SNX25: variants seen among roughly 807,000 people sequenced by gnomAD.
The protein encoded by SNX25 is sorting nexin 25, also known as sorting nexin-25.
Under a neutral mutation model 113.7 loss-of-function variants are expected in SNX25, and 62 were observed. That is an observed-to-expected ratio of 0.55 (90% CI 0.44 to 0.67). The LOEUF is 0.67. Ranked by LOEUF, SNX25 falls within the 30% of genes least tolerant of loss-of-function variation. The pLI, the probability that SNX25 is intolerant of heterozygous loss-of-function variation, is 0.00. For missense variants in SNX25, 1,014 were observed against 1,161.0 expected (o/e 0.87, Z 1.84); for synonymous variants, 421 against 436.2 (o/e 0.97, Z 0.43).
At chr4:185,277,066 C>G (rs931461108) in intron 5 of SNX25, among the ~76,000 whole-genome samples, 43 of 152,182 alleles carry the variant, frequency 2.8e-4, no homozygotes, top group Admixed American at 2.5e-3. Flanking sequence ...GCTCTGTCAC[C>G]CAGGCTGGAG....
intron 5 of SNX25, among the ~76,000 whole-genome samples, chr4:185,283,601 T>C (rs1419307947): frequency 6.6e-6 from 1 of 151,906 alleles, no homozygotes; most frequent in African/African-American, 2.4e-5. Context: ...AGATAAGTAT[T>C]AACCTATATT....
At chr4:185,267,729 TAA>T (rs963267655) in intron 5 of SNX25, among the ~76,000 whole-genome samples, 7 of 136,238 alleles carry the variant, frequency 5.1e-5, no homozygotes, top group Admixed American at 1.5e-4. Flanking sequence ...AGACTCCTTC[TAA>T]AAAAAAAAAA....
At chr4:185,285,974 C>G (rs1324890345) in intron 5 of SNX25, among the ~76,000 whole-genome samples, 1 of 149,700 alleles carries the variant, frequency 6.7e-6, no homozygotes, top group Non-Finnish European at 1.5e-5. Flanking sequence ...GACAGGGTCT[C>G]CCTTTGTTTC....
chr4:185,209,600 T>G lies in SNX25; in HGVS notation c.-227T>G. The G allele has an allele frequency of 5.2e-6, 2 of 384,944 alleles. No individual in the cohort carries two copies. Among genetic ancestry groups the G allele is most frequent in the Non-Finnish European group, 7.1e-6 (2 of 280,964 alleles). 23.8% of individuals were successfully genotyped at this position (384,944 alleles called of 1,614,324 possible). On this transcript the variant is annotated 5_prime_UTR_variant, in exon 1 of 19. Transcript: ENST00000652585. This position sits in a 1 kb window ranked among gnomAD's most constrained non-coding sequence, Gnocchi z 5.2. ...CCGCGTCAGGCTGGCCAGGCTTCAG[T>G]CACAACACGGTGGGGCTCCCTGGCT...
At chr4:185,310,849 C>G in intron 7 of SNX25, 33 bp downstream of exon 7, 1 of 1,548,930 alleles carries the variant, frequency 6.5e-7, no homozygotes, top group Non-Finnish European at 8.7e-7. Context: ...TTTGACCCTA[C>G]CAAGTTTATT....
chr4:185,329,745 A>C lies in SNX25; in HGVS notation c.1750-2850A>C, dbSNP rs558171354. ...AGGAGGGGACAAAGGTTAGAGAGCT[A>C]AATACCCATTGTGGGCGGTCAGAGG... On this transcript the variant is annotated intron_variant, in intron 9 of 18. Coordinates refer to ENST00000652585, the MANE Select transcript of SNX25 (RefSeq NM_001378034.2). Among the ~76,000 whole-genome samples, 3 of 152,236 alleles carry C rather than the reference A, an allele frequency of 2.0e-5. No individual in the cohort carries two copies. In the East Asian group the frequency reaches 5.8e-4, roughly 29 times the overall value.
chr4:185,330,126 ACT>A (rs1420279335), intron 9 of SNX25, among the ~76,000 whole-genome samples: 5 of 151,950 alleles, frequency 3.3e-5, no homozygotes, highest in East Asian at 1.9e-4. Context: ...AGTCAGGAAA[ACT>A]CTCTCTCTTG....
chr4:185,257,857 G>T (rs1487103341), intron 2 of SNX25, among the ~76,000 whole-genome samples: 1 of 152,172 alleles, frequency 6.6e-6, no homozygotes. Context: ...GGCCACAGGG[G>T]CTGAGCCTAG....
chr4:185,258,391 C>T (rs1024450162), intron 2 of SNX25, among the ~76,000 whole-genome samples: 2 of 152,186 alleles, frequency 1.3e-5, no homozygotes, highest in Non-Finnish European at 2.9e-5. Flanking sequence ...AGTTGCCCTC[C>T]AGCATGTGCT....
intron 6 of SNX25, among the ~76,000 whole-genome samples, chr4:185,298,686 T>G (rs1371803474): frequency 6.6e-6 from 1 of 152,184 alleles, no homozygotes. Flanking sequence ...GAACTCACCC[T>G]GATTCCTTGT....
intron 1 of SNX25, among the ~76,000 whole-genome samples, chr4:185,242,117 T>A (rs995797821): frequency 6.6e-6 from 1 of 152,216 alleles, no homozygotes; most frequent in Admixed American, 6.5e-5. Flanking sequence ...ATGAGGAGAT[T>A]CTGGCTTCAG....
intron 13 of SNX25, 24 bp downstream of exon 13, chr4:185,346,674 T>G (rs759103121): frequency 1.4e-6 from 2 of 1,452,504 alleles, no homozygotes; most frequent in African/African-American, 2.9e-5. Context: ...AAATGTGGGA[T>G]ATGAGAGAAA....
chr4:185,237,919 C>T lies in SNX25; in HGVS notation c.430-9375C>T, dbSNP rs143137085. Among the ~76,000 whole-genome samples the T allele has an allele frequency of 1.2e-3, 177 of 151,584 alleles. 1 individual carries two copies. In the East Asian group the frequency reaches 0.027, roughly 23 times the overall value. On this transcript the variant is annotated intron_variant, in intron 1 of 18. Transcript: ENST00000652585. ...CTCTACTATAAATACAAAAATTAGC[C>T]GGGCGTGGTGGCACGTACCTGTAGT...
At chr4:185,259,099 A>C in intron 3 of SNX25, 35 bp downstream of exon 3, 1 of 1,579,710 alleles carries the variant, frequency 6.3e-7, no homozygotes. Flanking sequence ...CCTTTTTTGC[A>C]TTAATTTTTT....
intron 10 of SNX25, among the ~76,000 whole-genome samples, chr4:185,335,245 G>C (rs1212250713): frequency 2.0e-5 from 3 of 151,430 alleles, no homozygotes; most frequent in African/African-American, 7.3e-5. Flanking sequence ...ACTTGAACCC[G>C]TGAAGTGGAG....
chr4:185,227,691 C>T (rs144701099), intron 1 of SNX25, among the ~76,000 whole-genome samples: 121 of 152,028 alleles, frequency 8.0e-4, no homozygotes, highest in Admixed American at 3.1e-3. Context: ...AGGTTTGGGA[C>T]GGTGGGATTT....
chr4:185,375,046 A>T (rs1286332044), downstream of SNX25, among the ~76,000 whole-genome samples: 1 of 151,986 alleles, frequency 6.6e-6, no homozygotes, highest in Non-Finnish European at 1.5e-5. Flanking sequence ...TCCACCCCCA[A>T]ATCCATCAGA....
At chr4:185,279,753 TG>T (rs1750292278) in intron 5 of SNX25, among the ~76,000 whole-genome samples, 1 of 152,190 alleles carries the variant, frequency 6.6e-6, no homozygotes, top group African/African-American at 2.4e-5. Flanking sequence ...ATTACCTTTT[TG>T]TGACACAATT....
In SNX25 at chr4:185,274,932, G is replaced by A. The variant is rs1749446406; in HGVS notation, c.1091+7777G>A. Among the ~76,000 whole-genome samples, 4 of 152,192 alleles carry A rather than the reference G, an allele frequency of 2.6e-5. No homozygotes were observed. The South Asian group carries it at 6.2e-4, about 24-fold the overall frequency. ...TCAAATCCCATATTTAAGGCTGGGTGACTTGCTAGCCAGGTGGGCAGAAAA... is the reference window on the plus strand; with the variant it reads ...TCAAATCCCATATTTAAGGCTGGGTAACTTGCTAGCCAGGTGGGCAGAAAA... On this transcript the variant is annotated intron_variant, in intron 5 of 18. Transcript: ENST00000652585.
Sources: allele counts gnomAD v4.1 joint callset (sites outside exome capture counted in the v4.1 genomes callset), GRCh38; gene constraint gnomAD v4.1.1; non-coding constraint Gnocchi (gnomAD v3.1); transcripts MANE v1.5; gene names NCBI Gene and HGNC (gene_info 2026-07-23, HGNC 2026-07-21).